The following PCDHA3 variants were observed in gnomAD, a reference collection of about 807,000 sequenced individuals.
PCDHA3 encodes the protein protocadherin alpha-3.
A neutral mutation model predicts 62.2 loss-of-function variants in PCDHA3; 41 were observed. The observed-to-expected ratio is 0.66, with a 90% CI of 0.51 to 0.86. The LOEUF (loss-of-function observed/expected upper bound fraction) is 0.86, where lower values mean the gene tolerates loss of function less well. Ranked by LOEUF, PCDHA3 falls within the 40% of genes least tolerant of loss-of-function variation. PCDHA3 has a pLI of 0.00. For missense variants in PCDHA3, 1,304 were observed against 1,241.2 expected, an observed-to-expected ratio of 1.05 and a Z score of -0.76; for synonymous variants, 640 against 555.4, an observed-to-expected ratio of 1.15 and a Z score of -2.14.
Position 140,883,404 on chromosome 5 carries a change from C to G in PCDHA3, c.2394+79813C>G, listed in dbSNP as rs199942713. On this transcript the variant is annotated intron_variant, in intron 1 of 3. Transcript: ENST00000522353. ...CTAATCAGTGTGTCCGATCGTGACT[C>G]TGGCTCAAATGGACAGGTCACCTGC... 3 of 1,614,104 alleles carry G rather than the reference C, an allele frequency of 1.9e-6. No homozygotes were observed. The African/African-American group carries it at 4.0e-5, about 22-fold the overall frequency.
intron 1 of PCDHA3, chr5:140,823,273 G>T (rs893775587): frequency 7.4e-6 from 12 of 1,612,400 alleles, no homozygotes; most frequent in Non-Finnish European, 1.0e-5. Flanking sequence ...GCGGGTGGGC[G>T]AGCGCCCGCT....
rs782356178 is a variant in PCDHA3, at chr5:140,802,913, C to A, written c.1716C>A (p.Gly572=). 1.9e-6 allele frequency: 3 copies of A among 1,613,782 alleles called. No homozygotes were observed. Among genetic ancestry groups the A allele is most frequent in the Middle Eastern group, 1.7e-4 (1 of 6,060 alleles). The change falls in exon 1 of 4, where the codon GGC becomes GGA. Residue 572 remains glycine (G), a synonymous_variant. Transcript: ENST00000522353. ...CACTGCTGATGCCTCGGGTGGGTGG[C>A]ATCGGTGGCGCAGTGAGCGAGCTGG... ...APALLMPRVG[G]IGGAVSELVP...
At chr5:140,830,184 T>G in intron 1 of PCDHA3, 4 of 1,613,576 alleles carry the variant, frequency 2.5e-6, no homozygotes, top group South Asian at 2.2e-5. Context: ...GATGTCAACG[T>G]GTACCTGATC....
intron 1 of PCDHA3, among the ~76,000 whole-genome samples, chr5:140,948,792 T>C (rs1215416836): frequency 6.6e-6 from 1 of 151,646 alleles, no homozygotes; most frequent in Non-Finnish European, 1.5e-5. Context: ...TTTGTTGATA[T>C]ATTTTCTATT....
At chr5:140,828,744 G>T (rs1769918189) in intron 1 of PCDHA3, 30 of 1,614,110 alleles carry the variant, frequency 1.9e-5, no homozygotes, top group Non-Finnish European at 2.5e-5. Context: ...ACAGATGGGG[G>T]CAAACCTGAG....
chr5:140,856,225 G>C (rs1554148421), intron 1 of PCDHA3: 1 of 1,598,066 alleles, frequency 6.3e-7, no homozygotes, highest in Admixed American at 1.7e-5. Context: ...CGGAGCTGGT[G>C]CAGCGCCTGT....
At chr5:140,960,557 G>A (rs2095556177) in intron 1 of PCDHA3, among the ~76,000 whole-genome samples, 1 of 152,104 alleles carries the variant, frequency 6.6e-6, no homozygotes. Context: ...TATAGACTGA[G>A]CTTAGGAAAA....
At chr5:140,941,214 C>CCTTTCTTCCTTTCTTTCTTTCTTTCTTT (rs2092875794) in intron 1 of PCDHA3, among the ~76,000 whole-genome samples, 1 of 122,414 alleles carries the variant, frequency 8.2e-6, no homozygotes, top group Non-Finnish European at 1.7e-5. Flanking sequence ...TTTCTTTCTT[C>CCTTTCTTCCTTTCTTTCTTTCTTTCTTT]CTTTCTTTCT....
chr5:140,930,769 T>G (rs1373924244), intron 1 of PCDHA3, among the ~76,000 whole-genome samples: 2 of 152,214 alleles, frequency 1.3e-5, no homozygotes, highest in Non-Finnish European at 2.9e-5. Context: ...TTTTCTGTAC[T>G]TAATATTTTC....
In PCDHA3 at chr5:140,802,039, T is replaced by C; in HGVS notation, c.842T>C (p.Phe281Ser). The change falls in exon 1 of 4, where the codon TTC becomes TCC. Residue 281 changes from phenylalanine to serine, a missense_variant. Coordinates refer to ENST00000522353, the MANE Select transcript of PCDHA3 (RefSeq NM_018906.3). ...EGVNKDIAYS[F>S]NTDMSADILS... ...GTAAATAAGGATATCGCGTATTCTT[T>C]CAATACGGACATGTCAGCAGATATT... 4 of 1,614,190 alleles carry C rather than the reference T, an allele frequency of 2.5e-6. No individual in the cohort carries two copies. Among genetic ancestry groups the C allele is most frequent in the Non-Finnish European group, 2.5e-6 (3 of 1,180,034 alleles).
At position 140,822,192 on chromosome 5, in the gene PCDHA3, A is replaced by C; in HGVS notation, c.2394+18601A>C. ...GGTTCTCCAGACAAGAACAAAGATT[A>C]TTCATTTTAGAGTCAAGAATGCCAG... On this transcript the variant is annotated intron_variant, in intron 1 of 3. Coordinates refer to ENST00000522353, the MANE Select transcript of PCDHA3 (RefSeq NM_018906.3). The C allele has an allele frequency of 6.2e-7, 1 of 1,614,266 alleles. No homozygotes were observed. The highest frequency in any genetic ancestry group is 2.2e-5 in the East Asian group (1 of 44,890).
At chr5:140,871,203 C>T in intron 1 of PCDHA3, 1 of 1,613,744 alleles carries the variant, frequency 6.2e-7, no homozygotes, top group East Asian at 2.2e-5. Context: ...TGTACCTGAT[C>T]ATCGCCATCT....
intron 3 of PCDHA3, among the ~76,000 whole-genome samples, chr5:141,002,517 G>A (rs770473989): frequency 5.3e-5 from 8 of 152,208 alleles, no homozygotes; most frequent in Non-Finnish European, 8.8e-5. Flanking sequence ...GAGTCTCCTA[G>A]CTGGAGTCAG....
At chr5:140,920,609 G>C (rs1319890021) in intron 1 of PCDHA3, among the ~76,000 whole-genome samples, 1 of 152,160 alleles carries the variant, frequency 6.6e-6, no homozygotes. Flanking sequence ...ACTTTGGGAG[G>C]CCGAGGCGGA....
At chr5:140,842,093 G>C (rs145495287) in intron 1 of PCDHA3, 1 of 1,613,850 alleles carries the variant, frequency 6.2e-7, no homozygotes, top group Non-Finnish European at 8.5e-7. Context: ...CGCAGACAAC[G>C]GAACAACAGT....
At chr5:140,866,827 AT>A (rs1488157876) in intron 1 of PCDHA3, 1 of 152,132 alleles carries the variant, frequency 6.6e-6, no homozygotes, top group Non-Finnish European at 1.5e-5. Context: ...TCTTCAATTG[AT>A]TTTACAAAAT....
At chr5:140,835,970 G>T (rs1178302162) in intron 1 of PCDHA3, 1 of 1,613,202 alleles carries the variant, frequency 6.2e-7, no homozygotes, top group Non-Finnish European at 8.5e-7. Flanking sequence ...AGGAGCTGGA[G>T]CTGTTGCAGT....
intron 1 of PCDHA3, chr5:140,968,073 A>G: frequency 6.2e-7 from 1 of 1,614,142 alleles, no homozygotes; most frequent in African/African-American, 1.3e-5. Flanking sequence ...GCTGTCTACA[A>G]CATCACGGTG....
At chr5:140,882,950 C>G (rs1197710877) in intron 1 of PCDHA3, 1 of 1,614,098 alleles carries the variant, frequency 6.2e-7, no homozygotes, top group Non-Finnish European at 8.5e-7. Context: ...CACAGTTCAG[C>G]TGCTCATCAC....
Sources: gnomAD v4.1 joint callset for allele counts (sites outside exome capture counted in the v4.1 genomes callset) on GRCh38, gnomAD v4.1.1 for gene constraint, MANE v1.5 for transcripts, NCBI Gene and HGNC (gene_info 2026-07-23, HGNC 2026-07-21) for gene names.